Variants in GTPBP10 observed in about 807,000 individuals in gnomAD.
The protein encoded by GTPBP10 is GTP binding protein 10.
In GTPBP10, 38 loss-of-function variants were observed where a neutral mutation model predicts 44.8. That is an observed-to-expected ratio of 0.85 (90% CI 0.65 to 1.11). The LOEUF (loss-of-function observed/expected upper bound fraction) is 1.11, where lower values mean the gene tolerates loss of function less well. Ranked by LOEUF, GTPBP10 falls within the 50% of genes most tolerant of loss-of-function variation. The pLI is 0.00. For synonymous variants in GTPBP10, 152 were observed against 150.6 expected, an observed-to-expected ratio of 1.01 and a Z score of -0.07; for missense variants, 462 against 453.7, an observed-to-expected ratio of 1.02 and a Z score of -0.17.
At chr7:90,372,499 T>TTTTTTTTTTTTTG (rs1326838600) in intron 5 of GTPBP10, among the ~76,000 whole-genome samples, 3 of 149,682 alleles carry the variant, frequency 2.0e-5, no homozygotes, top group Admixed American at 6.7e-5. Flanking sequence ...TTTTTTTTTG[T>TTTTTTTTTTTTTG]GGGGACAGGG....
chr7:90,374,197 A>G (rs1796305749), intron 5 of GTPBP10, 105 bp from the exon 6 acceptor site: 1 of 825,484 alleles, frequency 1.2e-6, no homozygotes, highest in Non-Finnish European at 2.0e-6. Context: ...AAATTAGAAC[A>G]AAATCTGAAT....
chr7:90,367,444 C>A (rs1796157374), intron 4 of GTPBP10, among the ~76,000 whole-genome samples: 1 of 152,120 alleles, frequency 6.6e-6, no homozygotes, highest in African/African-American at 2.4e-5. Flanking sequence ...TAAGGACTTG[C>A]TTTATGAATC....
intron 1 of GTPBP10, chr7:90,347,373 C>G (rs1795697805): frequency 6.6e-6 from 1 of 152,362 alleles, no homozygotes; most frequent in Non-Finnish European, 1.5e-5. Context: ...GTAAAATACT[C>G]CTTTTAAGTA....
chr7:90,367,664 CTG>C (rs968609905), intron 4 of GTPBP10, among the ~76,000 whole-genome samples: 102 of 152,230 alleles, frequency 6.7e-4, no homozygotes, highest in African/African-American at 2.4e-3. Flanking sequence ...TATTTTGAGC[CTG>C]TGTGTGTCTT....
rs910523722 is a variant in GTPBP10 at position 90,386,994 on chromosome 7, A to C, written c.*1840A>C. Reference sequence around the variant, plus strand: ...TTTACCCAAATGAATTCATTATATAAATTTTTTCCAACTTAGTGTTTTTTT... The same window carrying C: ...TTTACCCAAATGAATTCATTATATACATTTTTTCCAACTTAGTGTTTTTTT... On this transcript the variant is annotated 3_prime_UTR_variant, in exon 10 of 10. Coordinates refer to ENST00000222511, the MANE Select transcript of GTPBP10 (RefSeq NM_033107.4). 6.6e-6 allele frequency: 1 copy of C among 152,086 alleles called. No homozygotes were observed. The highest frequency in any genetic ancestry group is 2.4e-5 in the African/African-American group (1 of 41,412). 9.4% of individuals were successfully genotyped at this position (152,086 alleles called of 1,614,324 possible). A position where few individuals can be genotyped will look rare whatever the true frequency, so the allele number is the denominator to read the frequency against.
intron 2 of GTPBP10, among the ~76,000 whole-genome samples, chr7:90,354,021 A>G (rs545361451): frequency 6.6e-6 from 1 of 151,982 alleles, no homozygotes; most frequent in Non-Finnish European, 1.5e-5. Flanking sequence ...TTTTGTAGAA[A>G]TGGGGTCGTG....
At chr7:90,377,659 C>A in intron 7 of GTPBP10, 45 bp downstream of exon 7, 1 of 1,280,396 alleles carries the variant, frequency 7.8e-7, no homozygotes, top group Non-Finnish European at 1.1e-6. Flanking sequence ...AAATTGAAAA[C>A]CAGTGAATTT....
At chr7:90,349,480 A>T (rs972145491) in intron 1 of GTPBP10, among the ~76,000 whole-genome samples, 2 of 152,138 alleles carry the variant, frequency 1.3e-5, no homozygotes, top group African/African-American at 4.8e-5. Context: ...CGTATTGGGA[A>T]GGTACTTCCT....
In GTPBP10 at chr7:90,372,234, T is replaced by A. The variant is rs1285853147; in HGVS notation, c.538+6T>A. ...TGCAATTGCAGATTACGCATGTAAG[T>A]GTAATTTGATTGTACATTTTAATGA... On this transcript the variant is annotated splice_donor_region_variant and intron_variant, in intron 5 of 9. Transcript: ENST00000222511. The A allele has an allele frequency of 6.4e-7, 1 of 1,560,962 alleles. No individual in the cohort carries two copies. The highest frequency in any genetic ancestry group is 8.8e-7 in the Non-Finnish European group (1 of 1,137,334).
Position 90,366,216 on chromosome 7 carries a change from T to C in GTPBP10, c.465-5939T>C, listed in dbSNP as rs935681893. On this transcript the variant is annotated intron_variant, in intron 4 of 9. Coordinates refer to ENST00000222511, the MANE Select transcript of GTPBP10 (RefSeq NM_033107.4). ...TTGATGTTCGTCAGGGATATTGGCC[T>C]AGAATTCTCTTTTTGTTGTTGTTGT... 1.6e-4 allele frequency among the ~76,000 whole-genome samples: 25 copies of C among 152,100 alleles called. 1 individual carries two copies. The highest frequency in any genetic ancestry group is 1.4e-3 in the Admixed American group (22 of 15,276).
At chr7:90,378,099 G>T (rs759544588) in intron 7 of GTPBP10, 35 bp from the exon 8 acceptor site, 2 of 1,581,698 alleles carry the variant, frequency 1.3e-6, no homozygotes, top group East Asian at 4.5e-5. Flanking sequence ...TTCTTCGTAT[G>T]TTAAAGGCTG....
chr7:90,374,310 T>G lies in GTPBP10; in HGVS notation c.547T>G (p.Leu183Val), dbSNP rs1796307843. 3.8e-6 allele frequency: 6 copies of G among 1,596,026 alleles called. No homozygotes were observed. The highest frequency in any genetic ancestry group is 4.3e-6 in the Non-Finnish European group (5 of 1,164,418). ...PAIADYAFTT[L>V]KPELGKIMYS... is the part of the protein sequence containing the mutation. ...GCTGTGTTTCCTTTTAGTTACAACATTAAAGCCTGAACTTGGAAAGATAAT... is the reference window on the plus strand; with the variant it reads ...GCTGTGTTTCCTTTTAGTTACAACAGTAAAGCCTGAACTTGGAAAGATAAT... Residue 183 changes from leucine to valine, a missense_variant, in exon 6 of 10, where the codon TTA becomes GTA. By Grantham distance (32) the Leu-to-Val change is conservative (BLOSUM62 1). Transcript: ENST00000222511.
At position 90,362,990 on chromosome 7, in the gene GTPBP10, A is replaced by G. The variant is rs13230400; in HGVS notation, c.464+7760A>G. Among the ~76,000 whole-genome samples, 145 of 152,112 alleles carry G rather than the reference A, an allele frequency of 9.5e-4. 1 individual carries two copies. Among genetic ancestry groups the G allele is most frequent in the Non-Finnish European group, 1.4e-3 (93 of 67,960 alleles). ...TTTTTTGTTTTCCATTTGCTTGATA[A>G]ATCTTCCTCTATCCCTTTATTTTGA... On this transcript the variant is annotated intron_variant, in intron 4 of 9. Coordinates refer to ENST00000222511, the MANE Select transcript of GTPBP10 (RefSeq NM_033107.4).
rs1186708574 is a variant in GTPBP10 at position 90,390,412 on chromosome 7, T to A, written c.*5258T>A. ...TTAGGCAATTTGTTAGAATTTTTTTTAAATGTTCTTAATAGTTGTTGGGTA... is the reference window on the plus strand; with the variant it reads ...TTAGGCAATTTGTTAGAATTTTTTTAAAATGTTCTTAATAGTTGTTGGGTA... On this transcript the variant is annotated 3_prime_UTR_variant, in exon 10 of 10. Coordinates refer to ENST00000222511, the MANE Select transcript of GTPBP10 (RefSeq NM_033107.4). The A allele has an allele frequency of 2.0e-5, 3 of 152,306 alleles. No individual in the cohort carries two copies. The highest frequency in any genetic ancestry group is 1.3e-4 in the Admixed American group (2 of 15,284). The allele number at this position is 152,306 out of a possible 1,614,324, so 9.4% of individuals were successfully genotyped here.
At position 90,352,972 on chromosome 7, in the gene GTPBP10, C is replaced by T. The variant is rs139533783; in HGVS notation, c.190C>T (p.Arg64Trp). The T allele has an allele frequency of 6.2e-6, 10 of 1,610,996 alleles. No individual in the cohort carries two copies. The highest frequency in any genetic ancestry group is 1.1e-5 in the South Asian group (1 of 90,572). The stretch of plus-strand genomic sequence containing the variant: ...AAAACAACTTAAAGACAGGTATCCT[C>T]GGAAACGGTTTGTGGCTGGAGTAGG... ...TLKQLKDRYP[R>W]KRFVAGVGAN... The change falls in exon 2 of 10, where the codon CGG becomes TGG. Residue 64 changes from arginine to tryptophan, a missense_variant. Transcript: ENST00000222511.
In GTPBP10 at chr7:90,388,439, A is replaced by G. The variant is rs1335689236; in HGVS notation, c.*3285A>G. 6.9e-6 allele frequency: 1 copy of G among 144,230 alleles called. No individual in the cohort carries two copies. The highest frequency in any genetic ancestry group is 1.5e-5 in the Non-Finnish European group (1 of 66,686). The allele number at this position is 144,230 out of a possible 1,614,324, so 8.9% of individuals were successfully genotyped here. A position where few individuals can be genotyped will look rare whatever the true frequency, so the allele number is the denominator to read the frequency against. ...TTCTTGCAGAGCTTTCTATAATATC[A>G]GATTTATTTACCATCATGAAATATG... On this transcript the variant is annotated 3_prime_UTR_variant, in exon 10 of 10. Transcript: ENST00000222511.
chr7:90,376,987 G>C (rs1562960120), intron 6 of GTPBP10, among the ~76,000 whole-genome samples: 3 of 152,216 alleles, frequency 2.0e-5, no homozygotes, highest in Admixed American at 2.0e-4. Context: ...ACTTTGGGAG[G>C]CTAAGGTGAG....
chr7:90,377,680 G>A, intron 7 of GTPBP10, 66 bp downstream of exon 7: 2 of 1,102,630 alleles, frequency 1.8e-6, no homozygotes, highest in Non-Finnish European at 2.6e-6. Flanking sequence ...AGTTTTTCTA[G>A]AATTTTTTTA....
chr7:90,354,396 ATG>A (rs112927371), intron 2 of GTPBP10, 60 bp from the exon 3 acceptor site: 946 of 664,368 alleles, frequency 1.4e-3, no homozygotes, highest in South Asian at 3.0e-3. Context: ...TTTTGTGTGT[ATG>A]TGTGTGTGTG....
Sources: allele counts gnomAD v4.1 joint callset (sites outside exome capture counted in the v4.1 genomes callset), GRCh38; gene constraint gnomAD v4.1.1; transcripts MANE v1.5; gene names NCBI Gene and HGNC (gene_info 2026-07-23, HGNC 2026-07-21).